Variants in HDC observed in about 807,000 individuals in gnomAD.
HDC encodes the protein histidine decarboxylase.
HDC carries 27 observed loss-of-function variants against 64.4 expected under a neutral mutation model. The observed-to-expected ratio is 0.42, with a 90% confidence interval of 0.31 to 0.58. The LOEUF (loss-of-function observed/expected upper bound fraction) is 0.58, where lower values mean the gene tolerates loss of function less well. Ranked by LOEUF, HDC falls within the 20% of genes least tolerant of loss-of-function variation. The pLI is 0.16. For missense variants in HDC, 711 were observed against 833.9 expected (o/e 0.85, Z 1.81); for synonymous variants, 305 against 314.2 (o/e 0.97, Z 0.31).
chr15:50,254,356 G>A, intron 5 of HDC, 83 bp from the exon 6 acceptor site: 2 of 1,569,898 alleles, frequency 1.3e-6, no homozygotes, highest in South Asian at 2.2e-5. Flanking sequence ...TAAGACTCGG[G>A]AACCAAATAT....
chr15:50,258,517 C>T lies in HDC; in HGVS notation c.205G>A (p.Val69Met), dbSNP rs1407352313. 1.3e-6 allele frequency: 2 copies of T among 1,589,384 alleles called. No homozygotes were observed. The highest frequency in any genetic ancestry group is 1.7e-6 in the Non-Finnish European group (2 of 1,157,684). ...ATATGGGGGCTCTGCCAATGTACCA[C>T]CTGGAGGCAGAGCATGCACAGAGTT... ...GDIERIIMPG[V>M]VHWQSPHMHA... The change falls in exon 3 of 12, where the codon GTG becomes ATG. Residue 69 changes from valine (V) to methionine (M), a missense_variant and splice_region_variant. Physicochemically the swap from Val to Met is conservative, Grantham distance 21. Around this residue, in one of 3 missense-constraint regions of HDC, gnomAD observed 225 missense variants for 276.2 expected, o/e 0.81. Coordinates refer to ENST00000267845, the MANE Select transcript of HDC (RefSeq NM_002112.4).
chr15:50,246,540 G>C (rs2045484433), intron 10 of HDC, among the ~76,000 whole-genome samples: 1 of 152,176 alleles, frequency 6.6e-6, no homozygotes, highest in South Asian at 2.1e-4. Context: ...GTGCAGAGAT[G>C]GACTGAGCAT....
In HDC at chr15:50,242,511, T is replaced by C; in HGVS notation, c.1738A>G (p.Lys580Glu). ...TTGCAACTGAGGGAGCGCACCGTCT[T>C]CTTCTTAGTCTGCACAGACAAGTAA... ...FSYLSVQTKK[K>E]TVRSLSCNSV... is the part of the protein sequence containing the mutation. The change falls in exon 12 of 12, where the codon AAG (lysine) becomes GAG (glutamate). Residue 580 changes from lysine (K) to glutamate (E), a missense_variant. By Grantham distance (56) the Lys-to-Glu change is moderately conservative. Transcript: ENST00000267845. The C allele has an allele frequency of 6.2e-7, 1 of 1,614,196 alleles. No homozygotes were observed. The highest frequency in any genetic ancestry group is 1.7e-5 in the Admixed American group (1 of 60,028).
In HDC at chr15:50,265,619, A is replaced by G. The variant is rs1237186677; in HGVS notation, c.5T>C (p.Met2Thr). The G allele has an allele frequency of 3.7e-6, 6 of 1,613,754 alleles. No individual in the cohort carries two copies. The highest frequency in any genetic ancestry group is 1.3e-5 in the African/African-American group (1 of 74,896). ...TCTCTCTCTGTACTCCTCAGGCTCC[A>G]TCATCTCCCTTGGGCTCTGGCTCCT... MMEPEEYRERGR... is the reference protein window; with the variant it reads MTEPEEYRERGR... The change falls in exon 1 of 12, where the codon ATG becomes ACG. Residue 2 changes from methionine to threonine, a missense_variant. Physicochemically the swap from Met to Thr is moderately conservative, Grantham distance 81. Coordinates refer to ENST00000267845, the MANE Select transcript of HDC (RefSeq NM_002112.4).
In HDC at chr15:50,265,576, G is replaced by A. The variant is rs2045756154; in HGVS notation, c.31+17C>T. On this transcript the variant is annotated intron_variant, in intron 1 of 11. Coordinates refer to ENST00000267845, the MANE Select transcript of HDC (RefSeq NM_002112.4). ...GAGTAGCAGCAGGGAAGAGGGCCAG[G>A]GATGCCCGTTGCTCACCTCTCTCTC... The A allele has an allele frequency of 8.7e-6, 14 of 1,612,730 alleles. No individual in the cohort carries two copies. The highest frequency in any genetic ancestry group is 1.1e-5 in the Non-Finnish European group (13 of 1,178,894).
At position 50,248,301 on chromosome 15, in the gene HDC, G is replaced by T; in HGVS notation, c.1084C>A (p.Leu362Ile). 6.2e-7 allele frequency: 1 copy of T among 1,614,160 alleles called. No homozygotes were observed. Among genetic ancestry groups the T allele is most frequent in the Non-Finnish European group, 8.5e-7 (1 of 1,179,972 alleles). Reference protein sequence around the residue: ...PLSRRFRSVKLWFVIRSFGVK... With the variant: ...PLSRRFRSVKIWFVIRSFGVK... Reference sequence around the variant, plus strand: ...CCGAAGGACCGAATCACGAACCAGAGTTTAACAGAGCGAAACCGTCGGCTC... The same window carrying T: ...CCGAAGGACCGAATCACGAACCAGATTTTAACAGAGCGAAACCGTCGGCTC... Residue 362 changes from leucine to isoleucine, a missense_variant, in exon 10 of 12, where the codon CTC becomes ATC. Physicochemically the swap from Leu to Ile is conservative, Grantham distance 5. Coordinates refer to ENST00000267845, the MANE Select transcript of HDC (RefSeq NM_002112.4). This position sits in a 1 kb window ranked among gnomAD's most constrained non-coding sequence, Gnocchi z 4.3.
chr15:50,262,470 T>C (rs2045716638), intron 2 of HDC, among the ~76,000 whole-genome samples: 1 of 152,160 alleles, frequency 6.6e-6, no homozygotes, highest in African/African-American at 2.4e-5. Context: ...CACTTTAGCA[T>C]GAGCACCATG....
At chr15:50,259,083 A>AC (rs2045670261) in intron 2 of HDC, among the ~76,000 whole-genome samples, 2 of 151,534 alleles carry the variant, frequency 1.3e-5, no homozygotes, top group Non-Finnish European at 2.9e-5. Flanking sequence ...AATGATGTGA[A>AC]CCCGGGAGGC....
intron 7 of HDC, chr15:50,253,118 G>C (rs895608060): frequency 2.4e-6 from 1 of 415,830 alleles, no homozygotes; most frequent in African/African-American, 2.0e-5. Flanking sequence ...ACAAAAGTTA[G>C]AGGGAAGGTA....
At chr15:50,251,144 C>T (rs2045549080) in intron 9 of HDC, among the ~76,000 whole-genome samples, 1 of 152,196 alleles carries the variant, frequency 6.6e-6, no homozygotes. Context: ...TCATTTGACA[C>T]AAGAGGAAAT....
In HDC at chr15:50,252,663, G is replaced by T; in HGVS notation, c.899C>A (p.Thr300Asn). The T allele has an allele frequency of 8.7e-6, 14 of 1,614,154 alleles. No homozygotes were observed. The highest frequency in any genetic ancestry group is 1.2e-5 in the Non-Finnish European group (14 of 1,180,026). ...CATCATCCACTTGGAAGGATTAAAGGTGAAGGAGTCGGCATACTCAATCCC... is the reference window on the plus strand; with the variant it reads ...CATCATCCACTTGGAAGGATTAAAGTTGAAGGAGTCGGCATACTCAATCCC... Reference protein sequence around the residue: ...LKGIEYADSFTFNPSKWMMVH... With the variant: ...LKGIEYADSFNFNPSKWMMVH... Residue 300 changes from threonine (T) to asparagine (N), a missense_variant, in exon 8 of 12, where the codon ACC (threonine) becomes AAC (asparagine). This residue lies in a region of HDC where 483 missense variants were observed against 540.9 expected (regional missense o/e 0.89). Coordinates refer to ENST00000267845, the MANE Select transcript of HDC (RefSeq NM_002112.4).
At chr15:50,259,782 G>A (rs1473284825) in intron 2 of HDC, among the ~76,000 whole-genome samples, 1 of 152,136 alleles carries the variant, frequency 6.6e-6, no homozygotes. Flanking sequence ...GGACTCATTT[G>A]ATAACATCTT....
chr15:50,243,359 G>T (rs753253272), intron 10 of HDC, 115 bp from the exon 11 acceptor site: 10 of 773,162 alleles, frequency 1.3e-5, no homozygotes, highest in Admixed American at 4.0e-5. Flanking sequence ...CACAGCCGTT[G>T]TAAGCGGCTT....
intron 4 of HDC, among the ~76,000 whole-genome samples, chr15:50,255,386 A>G (rs1049720496): frequency 5.3e-5 from 8 of 152,162 alleles, no homozygotes; most frequent in Non-Finnish European, 1.2e-4. Flanking sequence ...AGCTGATAGA[A>G]TCCTGCTAAA....
chr15:50,263,384 A>G lies in HDC; in HGVS notation c.55T>C (p.Cys19Arg). 6.2e-7 allele frequency: 1 copy of G among 1,614,204 alleles called. No homozygotes were observed. The highest frequency in any genetic ancestry group is 8.5e-7 in the Non-Finnish European group (1 of 1,180,010). ...ERGREMVDYI[C>R]QYLSTVRERR... Reference sequence around the variant, plus strand: ...TCCCGCACAGTGCTCAGGTACTGGCAGATGTAATCCACCATCTCTCTCCCT... The same window carrying G: ...TCCCGCACAGTGCTCAGGTACTGGCGGATGTAATCCACCATCTCTCTCCCT... Residue 19 changes from cysteine (C) to arginine (R), a missense_variant, in exon 2 of 12, where the codon TGC becomes CGC. Cys to Arg is a radical substitution (Grantham distance 180, BLOSUM62 -3). Around this residue, in one of 3 missense-constraint regions of HDC, gnomAD observed 225 missense variants for 276.2 expected, o/e 0.81. Transcript: ENST00000267845.
chr15:50,260,612 G>A (rs1412535374), intron 2 of HDC, among the ~76,000 whole-genome samples: 2 of 152,172 alleles, frequency 1.3e-5, no homozygotes, highest in South Asian at 2.1e-4. Context: ...AGTCATGATC[G>A]GTAATAACCA....
chr15:50,265,552 A>C, intron 1 of HDC, 41 bp downstream of exon 1: 1 of 1,583,990 alleles, frequency 6.3e-7, no homozygotes, highest in Non-Finnish European at 8.7e-7. Flanking sequence ...TTCCTGCAGG[A>C]GTAGCAGCAG....
intron 10 of HDC, chr15:50,244,600 C>T (rs750649958): frequency 8.5e-5 from 13 of 152,340 alleles, no homozygotes; most frequent in Non-Finnish European, 1.8e-4. Context: ...GCCACCATGT[C>T]TGGCCCTGAG....
chr15:50,243,786 T>A (rs566991947), intron 10 of HDC, among the ~76,000 whole-genome samples: 2 of 152,252 alleles, frequency 1.3e-5, no homozygotes, highest in Admixed American at 6.5e-5. Context: ...AATGCCCTTT[T>A]CATCCCCTGT....
Sources: gnomAD v4.1 joint callset for allele counts (sites outside exome capture counted in the v4.1 genomes callset) on GRCh38, gnomAD v4.1.1 for gene constraint, gnomAD v4.1.1 regional missense constraint, Gnocchi (gnomAD v3.1) non-coding constraint, MANE v1.5 for transcripts, NCBI Gene and HGNC (gene_info 2026-07-23, HGNC 2026-07-21) for gene names.